The following ASCC3 variants were observed in gnomAD, a reference collection of about 807,000 sequenced individuals.
The protein encoded by ASCC3 is activating signal cointegrator 1 complex subunit 3.
A neutral mutation model predicts 256.3 loss-of-function variants in ASCC3; 158 were observed. The ratio of observed to expected loss-of-function variants is 0.62; its 90% confidence interval spans 0.54 to 0.70. The LOEUF is 0.70. ASCC3 is among the 30% of genes least tolerant of loss of function. The pLI is 0.00. For synonymous variants in ASCC3, 948 were observed against 883.4 expected (o/e 1.07, Z -1.30); for missense variants, 2,259 against 2,626.0 (o/e 0.86, Z 3.05).
intron 25 of ASCC3, among the ~76,000 whole-genome samples, chr6:100,632,181 C>A (rs201513381): frequency 6.9e-5 from 5 of 72,358 alleles, no homozygotes; most frequent in South Asian, 3.6e-4. Flanking sequence ...AGCAAACTAT[C>A]TAAAAAAAAA....
At chr6:100,860,197 T>C (rs984600470) in intron 3 of ASCC3, among the ~76,000 whole-genome samples, 2 of 152,050 alleles carry the variant, frequency 1.3e-5, no homozygotes, top group African/African-American at 2.4e-5. Context: ...ACATAAAATA[T>C]ACTGACAAAG....
chr6:100,801,586 G>A (rs1562306957), intron 5 of ASCC3, among the ~76,000 whole-genome samples: 1 of 151,846 alleles, frequency 6.6e-6, no homozygotes, highest in Non-Finnish European at 1.5e-5. Context: ...GGGAAAACTT[G>A]TATAATGGCT....
intron 13 of ASCC3, among the ~76,000 whole-genome samples, chr6:100,700,449 G>A (rs1271160486): frequency 6.6e-6 from 1 of 152,068 alleles, no homozygotes; most frequent in African/African-American, 2.4e-5. Context: ...GTCCCTACTG[G>A]GGCACCACCT....
chr6:100,795,407 A>T (rs11155673), intron 8 of ASCC3, among the ~76,000 whole-genome samples: 83,323 of 151,764 alleles, frequency 0.55, 23,238 homozygotes, highest in South Asian at 0.75. Context: ...GAGATAAAGA[A>T]AAAGAGACAA....
At chr6:100,723,898 T>A (rs371806369) in intron 11 of ASCC3, among the ~76,000 whole-genome samples, 1,493 of 105,876 alleles carry the variant, frequency 0.014, 45 homozygotes, top group East Asian at 0.085. Context: ...ATATATATAT[T>A]TATAATTATA....
Position 100,672,726 on chromosome 6 carries a change from C to T in ASCC3, c.2286+6892G>A, listed in dbSNP as rs113110701. Among the ~76,000 whole-genome samples, 5 of 151,996 alleles carry T rather than the reference C, an allele frequency of 3.3e-5. 1 individual carries two copies. Among genetic ancestry groups the T allele is most frequent in the African/African-American group, 1.2e-4 (5 of 41,504 alleles). ...TGGACTTCTACTCCTCTGATTTTAC[C>T]AAATTTCTAATAAGTACCTAATTTC... On this transcript the variant is annotated intron_variant, in intron 14 of 41. Coordinates refer to ENST00000369162, the MANE Select transcript of ASCC3 (RefSeq NM_006828.4).
At chr6:100,736,172 G>A (rs1334232455) in intron 10 of ASCC3, among the ~76,000 whole-genome samples, 1 of 152,128 alleles carries the variant, frequency 6.6e-6, no homozygotes, top group Non-Finnish European at 1.5e-5. Context: ...CTTGTCTAAT[G>A]AGGAAAACAG....
chr6:100,580,561 C>A (rs1038900749), intron 36 of ASCC3, among the ~76,000 whole-genome samples: 8 of 151,164 alleles, frequency 5.3e-5, no homozygotes, highest in Non-Finnish European at 7.4e-5. Context: ...ATTCAGAAGA[C>A]CCAAAATAAA....
rs527239819 is a variant in ASCC3, at chr6:100,871,242, C to G, written c.-41-3204G>C. Among the ~76,000 whole-genome samples, 214 of 152,042 alleles carry G rather than the reference C, an allele frequency of 1.4e-3. 1 individual carries two copies. Among genetic ancestry groups the G allele is most frequent in the African/African-American group, 4.8e-3 (201 of 41,504 alleles). On this transcript the variant is annotated intron_variant, in intron 1 of 41. Coordinates refer to ENST00000369162, the MANE Select transcript of ASCC3 (RefSeq NM_006828.4). ...TCCCGAGTAGCTGGGATTACAGGTA[C>G]GCACCACCACGCCCGGCTAATTTTG...
intron 37 of ASCC3, among the ~76,000 whole-genome samples, chr6:100,521,256 C>T (rs1774293025): frequency 6.6e-6 from 1 of 152,016 alleles, no homozygotes; most frequent in Admixed American, 6.6e-5. Context: ...AGTAGTGATG[C>T]TGGTAATTTG....
intron 13 of ASCC3, among the ~76,000 whole-genome samples, chr6:100,692,684 T>A (rs749203474): frequency 1.4e-4 from 21 of 152,060 alleles, no homozygotes; most frequent in Non-Finnish European, 2.5e-4. Context: ...TAAATGAAGA[T>A]GTCAGTTTTG....
chr6:100,633,374 T>C (rs2114871377), intron 25 of ASCC3, among the ~76,000 whole-genome samples: 1 of 152,178 alleles, frequency 6.6e-6, no homozygotes, highest in Admixed American at 6.5e-5. Context: ...AGCCCTTACA[T>C]TACTTAGTAA....
rs1774963403 is a variant in ASCC3 at position 100,638,654 on chromosome 6, C to G, written c.4069G>C (p.Val1357Leu). The change falls in exon 25 of 42, where the codon GTT becomes CTT. Residue 1357 changes from valine (V) to leucine (L), a missense_variant. Val to Leu is a conservative substitution (Grantham distance 32, BLOSUM62 1). This residue lies in a region of ASCC3 where 1,839 missense variants were observed against 2,206.7 expected (regional missense o/e 0.83). Coordinates refer to ENST00000369162, the MANE Select transcript of ASCC3 (RefSeq NM_006828.4). ...LGAPTGSGKT[V>L]AAELAIFRVF... is the part of the protein sequence containing the mutation. ...CTGAAAATGGCTAATTCAGCTGCAA[C>G]AGTCTTTCCCGATCCAGTAGGTGCT... The G allele has an allele frequency of 6.2e-7, 1 of 1,613,830 alleles. No homozygotes were observed. Among genetic ancestry groups the G allele is most frequent in the Admixed American group, 1.7e-5 (1 of 59,998 alleles).
intron 36 of ASCC3, among the ~76,000 whole-genome samples, chr6:100,556,063 A>G (rs1475878020): frequency 2.6e-5 from 4 of 152,186 alleles, no homozygotes; most frequent in African/African-American, 9.7e-5. Flanking sequence ...AAAACCATAT[A>G]TATTTATTAG....
At chr6:100,695,419 A>G (rs1373497793) in intron 13 of ASCC3, among the ~76,000 whole-genome samples, 1 of 152,150 alleles carries the variant, frequency 6.6e-6, no homozygotes, top group Admixed American at 6.6e-5. Context: ...TCCCTTCCAG[A>G]CACCTTGGGT....
chr6:100,656,631 A>G (rs939789127), intron 16 of ASCC3, among the ~76,000 whole-genome samples: 1 of 151,540 alleles, frequency 6.6e-6, no homozygotes, highest in African/African-American at 2.4e-5. Flanking sequence ...AAGGTTAATA[A>G]TTTAAAAACA....
In ASCC3 at chr6:100,518,036, A is replaced by G. The variant is rs755402233; in HGVS notation, c.5882T>C (p.Leu1961Pro). The G allele has an allele frequency of 1.9e-6, 3 of 1,613,666 alleles. 1 individual carries two copies. The South Asian group carries it at 3.3e-5, about 18-fold the overall frequency. ...GTTTTCTATGTTTGGTAGTGTAAGAAGAGAAGAGTCCTTTAACCACCGACC... is the reference window on the plus strand; with the variant it reads ...GTTTTCTATGTTTGGTAGTGTAAGAGGAGAAGAGTCCTTTAACCACCGACC... ...IQGRWLKDSS[L>P]LTLPNIENHH... Residue 1961 changes from leucine (L) to proline (P), a missense_variant, in exon 38 of 42, where the codon CTT becomes CCT. Leu to Pro is a moderately conservative substitution (Grantham distance 98). This residue lies in a region of ASCC3 where 1,839 missense variants were observed against 2,206.7 expected (regional missense o/e 0.83). Coordinates refer to ENST00000369162, the MANE Select transcript of ASCC3 (RefSeq NM_006828.4).
chr6:100,655,573 C>G lies in ASCC3; in HGVS notation c.2823+126G>C, dbSNP rs536129427. ...TCTAATTTTTTGAAAAATATTAAATCTCTTGTTTTTCTTCTAGGTACCTCT... is the reference window on the plus strand; with the variant it reads ...TCTAATTTTTTGAAAAATATTAAATGTCTTGTTTTTCTTCTAGGTACCTCT... On this transcript the variant is annotated intron_variant, in intron 17 of 41. Transcript: ENST00000369162. 4.6e-6 allele frequency: 5 copies of G among 1,091,612 alleles called. No individual in the cohort carries two copies. In the South Asian group the frequency reaches 5.9e-5, roughly 13 times the overall value. 67.6% of individuals were successfully genotyped at this position (1,091,612 alleles called of 1,614,324 possible).
chr6:100,853,384 A>G (rs1230357320), intron 3 of ASCC3, among the ~76,000 whole-genome samples: 2 of 151,958 alleles, frequency 1.3e-5, no homozygotes, highest in Non-Finnish European at 2.9e-5. Context: ...TTGAATTAAA[A>G]TATCAATCAC....
Sources: gnomAD v4.1 joint callset for allele counts (sites outside exome capture counted in the v4.1 genomes callset) on GRCh38, gnomAD v4.1.1 for gene constraint, gnomAD v4.1.1 regional missense constraint, MANE v1.5 for transcripts, NCBI Gene and HGNC (gene_info 2026-07-23, HGNC 2026-07-21) for gene names.